CMIP: variants seen among roughly 807,000 people sequenced by gnomAD.
CMIP encodes C-Maf-inducing protein.
Under a neutral mutation model 97.3 loss-of-function variants are expected in CMIP, and 13 were observed. That is an observed-to-expected ratio of 0.13 (90% CI 0.09 to 0.21). The LOEUF (loss-of-function observed/expected upper bound fraction) is 0.21. Among genes scored for constraint, CMIP ranks in the 10% least tolerant of loss-of-function variants. CMIP has a pLI of 1.00. For synonymous variants in CMIP, 538 were observed against 436.3 expected, an observed-to-expected ratio of 1.23 and a Z score of -2.91; for missense variants, 847 against 1,024.9, an observed-to-expected ratio of 0.83 and a Z score of 2.37.
chr16:81,503,990 G>A (rs1045036901), intron 1 of CMIP, among the ~76,000 whole-genome samples: 1 of 152,214 alleles, frequency 6.6e-6, no homozygotes. Context: ...TAAATGGAGA[G>A]GTGAGGCTTG....
In CMIP at chr16:81,445,499, G is replaced by C. The variant is rs1415067956; in HGVS notation, c.258G>C (p.Pro86=). The C allele has an allele frequency of 3.9e-6, 6 of 1,554,092 alleles. No individual in the cohort carries two copies. The South Asian group carries it at 7.1e-5, about 18-fold the overall frequency. Reference sequence around the variant, plus strand: ...CGAAATTCCTGAGGCGCTGGGAGCCGCACCACCTAACGCTGGCCGACAACA... The same window carrying C: ...CGAAATTCCTGAGGCGCTGGGAGCCCCACCACCTAACGCTGGCCGACAACA... The part of the protein sequence containing the change: ...LTSKFLRRWE[P]HHLTLADNSL... Residue 86 remains proline, a synonymous_variant, in exon 1 of 21, where the codon CCG becomes CCC. Transcript: ENST00000537098.
intron 1 of CMIP, among the ~76,000 whole-genome samples, chr16:81,561,224 G>A (rs779668383): frequency 6.6e-6 from 1 of 152,192 alleles, no homozygotes; most frequent in East Asian, 1.9e-4. Flanking sequence ...CAAAGTGCTG[G>A]GATTGCAGGC....
At chr16:81,579,564 A>T (rs999853400) in intron 1 of CMIP, among the ~76,000 whole-genome samples, 10 of 152,136 alleles carry the variant, frequency 6.6e-5, no homozygotes, top group Admixed American at 6.5e-5. Flanking sequence ...ACTTGGAGAG[A>T]TTGTCCCTGA....
chr16:81,693,122 TG>T lies in CMIP; in HGVS notation c.1455-35del, dbSNP rs779506620. 4 of 1,594,942 alleles carry T rather than the reference TG, an allele frequency of 2.5e-6. No individual in the cohort carries two copies. In the South Asian group the frequency reaches 3.3e-5, roughly 13 times the overall value. Reference sequence around the variant, plus strand: ...AACATTGTGCTGTTTCCGACGCTTCTGTTAACCGCCGTGTTTTCCCCTGTTT... The same window carrying T: ...AACATTGTGCTGTTTCCGACGCTTCTTTAACCGCCGTGTTTTCCCCTGTTT... On this transcript the variant is annotated intron_variant, in intron 11 of 20. Coordinates refer to ENST00000537098, the MANE Select transcript of CMIP (RefSeq NM_198390.3).
chr16:81,559,852 G>GAA (rs1171665555), intron 1 of CMIP, among the ~76,000 whole-genome samples: 1 of 152,158 alleles, frequency 6.6e-6, no homozygotes, highest in East Asian at 1.9e-4. Context: ...GGTATACAGA[G>GAA]AAAGGCATTG....
intron 1 of CMIP, among the ~76,000 whole-genome samples, chr16:81,494,286 G>A (rs1169513574): frequency 6.6e-6 from 1 of 152,216 alleles, no homozygotes; most frequent in African/African-American, 2.4e-5. Context: ...CTGGAGGGAC[G>A]CAGGGCAGAG....
chr16:81,620,851 T>C (rs1244740001), intron 2 of CMIP, 25 bp from the exon 3 acceptor site: 1 of 1,613,872 alleles, frequency 6.2e-7, no homozygotes, highest in Admixed American at 1.7e-5. Context: ...GACCGGACCT[T>C]GCTGTCCTGT....
intron 1 of CMIP, among the ~76,000 whole-genome samples, chr16:81,599,349 C>G (rs2091619450): frequency 6.6e-6 from 1 of 152,218 alleles, no homozygotes; most frequent in African/African-American, 2.4e-5. Flanking sequence ...ATATCGTTAC[C>G]TGCCACTTTG....
rs551976550 is a variant in CMIP, at chr16:81,529,806, A to T, written c.301-77761A>T. ...AGGCAGCCTTGGAGAACGGGCAAGG[A>T]TACTCCTTCTCCTCTGGAGGCTCCA... On this transcript the variant is annotated intron_variant, in intron 1 of 20. Transcript: ENST00000537098. Among the ~76,000 whole-genome samples, 8 of 152,278 alleles carry T rather than the reference A, an allele frequency of 5.3e-5. No homozygotes were observed. The South Asian group carries it at 1.2e-3, about 24-fold the overall frequency.
intron 9 of CMIP, among the ~76,000 whole-genome samples, chr16:81,674,333 A>G (rs182812732): frequency 8.1e-4 from 123 of 152,296 alleles, no homozygotes; most frequent in East Asian, 4.4e-3. Context: ...GGGTTTCACC[A>G]TGTTAGCCAG....
intron 1 of CMIP, among the ~76,000 whole-genome samples, chr16:81,455,599 A>G (rs1421603616): frequency 3.9e-5 from 6 of 152,152 alleles, no homozygotes; most frequent in South Asian, 2.1e-4. Flanking sequence ...GGGATTGCGT[A>G]CATGGTGTCT....
intron 20 of CMIP, among the ~76,000 whole-genome samples, chr16:81,708,317 A>G (rs1205993617): frequency 6.6e-6 from 1 of 152,216 alleles, no homozygotes; most frequent in Non-Finnish European, 1.5e-5. Flanking sequence ...CTCGGGGGCC[A>G]ACAGAAATGC....
intron 16 of CMIP, among the ~76,000 whole-genome samples, chr16:81,702,227 C>T (rs1275541440): frequency 1.3e-5 from 2 of 152,204 alleles, no homozygotes; most frequent in Admixed American, 1.3e-4. Context: ...CAACCAGTCC[C>T]TTCTGGGGAG....
intron 3 of CMIP, among the ~76,000 whole-genome samples, chr16:81,626,550 T>A (rs13331463): frequency 0.024 from 3,388 of 142,530 alleles, 131 homozygotes; most frequent in African/African-American, 0.085. Context: ...TGGGTGTGCA[T>A]GTGTGTGTGG....
At chr16:81,643,162 C>T (rs1445193078) in intron 3 of CMIP, among the ~76,000 whole-genome samples, 1 of 152,186 alleles carries the variant, frequency 6.6e-6, no homozygotes, top group Non-Finnish European at 1.5e-5. Flanking sequence ...ACGTCCACCT[C>T]GTGGAGGAGA....
At chr16:81,474,738 C>G (rs1351989877) in intron 1 of CMIP, among the ~76,000 whole-genome samples, 1 of 152,252 alleles carries the variant, frequency 6.6e-6, no homozygotes. Context: ...CTGGGGCTCC[C>G]TCTCCTCTGG....
chr16:81,593,655 G>A (rs954209785), intron 1 of CMIP, among the ~76,000 whole-genome samples: 2 of 152,114 alleles, frequency 1.3e-5, no homozygotes, highest in Non-Finnish European at 2.9e-5. Flanking sequence ...TTGAGTGCCC[G>A]CCGACCACCT....
chr16:81,685,028 G>A (rs1382861419), intron 10 of CMIP, among the ~76,000 whole-genome samples: 1 of 152,200 alleles, frequency 6.6e-6, no homozygotes, highest in East Asian at 1.9e-4. Context: ...TCACAGAGAG[G>A]CCCATGCACA....
chr16:81,535,661 T>C (rs1022429003), intron 1 of CMIP, among the ~76,000 whole-genome samples: 2 of 152,106 alleles, frequency 1.3e-5, no homozygotes, highest in African/African-American at 2.4e-5. Flanking sequence ...TGTTGACTTT[T>C]TGTAAGGTAC....
Sources: gnomAD v4.1 joint callset for allele counts (sites outside exome capture counted in the v4.1 genomes callset) on GRCh38, gnomAD v4.1.1 for gene constraint, MANE v1.5 for transcripts, NCBI Gene and HGNC (gene_info 2026-07-23, HGNC 2026-07-21) for gene names.